OPHN1: variants seen among roughly 807,000 people sequenced by gnomAD.
OPHN1 encodes the protein oligophrenin-1.
In OPHN1, 11 loss-of-function variants were observed where a neutral mutation model predicts 60.7. The observed-to-expected ratio is 0.18, with a 90% CI of 0.11 to 0.30. The LOEUF (loss-of-function observed/expected upper bound fraction) is 0.30. Ranked by LOEUF, OPHN1 falls within the 10% of genes least tolerant of loss-of-function variation. The probability of loss-of-function intolerance (pLI) is 1.00; values close to 1 mark genes in which losing one functional copy is unlikely to be tolerated. For missense variants in OPHN1, 449 were observed against 611.0 expected (o/e 0.73, Z 2.80); for synonymous variants, 226 against 222.6 (o/e 1.02, Z -0.14).
chrX:68,309,797 G>T (rs2078164237), intron 2 of OPHN1, among the ~76,000 whole-genome samples: 1 of 111,699 alleles, frequency 9.0e-6, no homozygotes, highest in Non-Finnish European at 1.9e-5. Flanking sequence ...TCTACTTCTT[G>T]TTGATGGGTT....
At chrX:68,341,968 G>GTT (rs1173542561) in intron 2 of OPHN1, among the ~76,000 whole-genome samples, 113 of 84,940 alleles carry the variant, frequency 1.3e-3, no homozygotes, top group Middle Eastern at 6.1e-3. Context: ...AATTTTTGGT[G>GTT]TTTTTTTTTT....
chrX:68,271,378 A>C (rs1467917184), intron 5 of OPHN1, among the ~76,000 whole-genome samples: 1 of 108,368 alleles, frequency 9.2e-6, no homozygotes, highest in African/African-American at 3.4e-5. Context: ...TTACAAAAAA[A>C]AAAAAAAAAT....
rs753168694 is a variant in OPHN1, at chrX:68,046,963, T to A, written c.*209A>T. 1 of 111,715 alleles carries A rather than the reference T, an allele frequency of 9.0e-6. No individual in the cohort carries two copies. Among genetic ancestry groups the A allele is most frequent in the East Asian group, 2.8e-4 (1 of 3,519 alleles). 9.2% of individuals were successfully genotyped at this position (111,715 alleles called of 1,213,427 possible). On this transcript the variant is annotated 3_prime_UTR_variant, in exon 25 of 25. Transcript: ENST00000355520. Reference sequence around the variant, plus strand: ...ACTCAAAACAGACCTTCTGAGGGGATGAAGACAGAATACAAAGGAGATATA... The same window carrying A: ...ACTCAAAACAGACCTTCTGAGGGGAAGAAGACAGAATACAAAGGAGATATA...
At chrX:68,305,071 ATAAT>A (rs2078138847) in intron 2 of OPHN1, among the ~76,000 whole-genome samples, 3 of 110,946 alleles carry the variant, frequency 2.7e-5, no homozygotes, top group Admixed American at 9.7e-5. Flanking sequence ...AAAAATAATA[ATAAT>A]TAATTAAATA....
chrX:68,065,043 A>C (rs2076908165), intron 20 of OPHN1, among the ~76,000 whole-genome samples: 1 of 111,009 alleles, frequency 9.0e-6, no homozygotes, highest in Non-Finnish European at 1.9e-5. Context: ...CCTAATGTAA[A>C]TGATGAGTTA....
intron 19 of OPHN1, among the ~76,000 whole-genome samples, chrX:68,088,810 G>A (rs935952632): frequency 3.6e-5 from 4 of 110,748 alleles, no homozygotes; most frequent in African/African-American, 1.3e-4. Flanking sequence ...ACAAGGCTCA[G>A]GGGGGTAAAC....
chrX:68,091,671 T>C (rs947667654), intron 19 of OPHN1, among the ~76,000 whole-genome samples: 1 of 111,473 alleles, frequency 9.0e-6, no homozygotes. Context: ...AATAGCTCTG[T>C]CCTCAAAACT....
chrX:68,328,688 C>T (rs1448008123), intron 2 of OPHN1, among the ~76,000 whole-genome samples: 1 of 111,421 alleles, frequency 9.0e-6, no homozygotes, highest in Admixed American at 9.6e-5. Context: ...AAAATACTAA[C>T]TTCTAAAATA....
chrX:68,234,659 G>C (rs1358969521), intron 5 of OPHN1, 71 bp from the exon 6 acceptor site: 7 of 828,237 alleles, frequency 8.5e-6, no homozygotes, highest in Non-Finnish European at 1.3e-5. Context: ...AAAGGAGAAT[G>C]AAGGAGATAG....
chrX:68,222,645 G>C (rs1008419327), intron 6 of OPHN1, among the ~76,000 whole-genome samples: 1 of 107,140 alleles, frequency 9.3e-6, no homozygotes, highest in Non-Finnish European at 1.9e-5. Context: ...GGATGAAATT[G>C]GAAATCATCA....
intron 15 of OPHN1, among the ~76,000 whole-genome samples, chrX:68,162,812 A>G (rs1413111324): frequency 9.0e-6 from 1 of 111,135 alleles, no homozygotes; most frequent in Admixed American, 9.6e-5. Context: ...TAAGTCATAA[A>G]CTATTATTTT....
chrX:68,356,817 A>T (rs2078443383), intron 2 of OPHN1, among the ~76,000 whole-genome samples: 1 of 111,432 alleles, frequency 9.0e-6, no homozygotes, highest in African/African-American at 3.3e-5. Context: ...GAGATTTTTT[A>T]AAACAGTCTC....
intron 2 of OPHN1, among the ~76,000 whole-genome samples, chrX:68,345,412 A>G (rs778863188): frequency 8.9e-6 from 1 of 112,630 alleles, no homozygotes; most frequent in Non-Finnish European, 1.9e-5. Context: ...ATTACTCAAA[A>G]TACCAAAACA....
intron 2 of OPHN1, among the ~76,000 whole-genome samples, chrX:68,352,452 C>T (rs1005157764): frequency 1.6e-4 from 18 of 109,969 alleles, no homozygotes; most frequent in African/African-American, 5.9e-4. Flanking sequence ...TCCCAAAGCC[C>T]AATGATTTGC....
intron 2 of OPHN1, among the ~76,000 whole-genome samples, chrX:68,410,116 T>G (rs891890796): frequency 1.8e-5 from 2 of 111,829 alleles, no homozygotes; most frequent in South Asian, 7.5e-4. Flanking sequence ...AAATTATTTA[T>G]CAAGTTATTC....
Position 68,289,268 on chromosome X carries a change from A to G in OPHN1, c.251-6151T>C, listed in dbSNP as rs960090989. 2.7e-5 allele frequency among the ~76,000 whole-genome samples: 3 copies of G among 112,098 alleles called. No individual in the cohort carries two copies. The Admixed American group carries it at 2.8e-4, about 11-fold the overall frequency. ...CCAAGAATTTTCTTTTTAAAAAAAG[A>G]CCACAGCAAGAGAACATTATCCTTG... On this transcript the variant is annotated intron_variant, in intron 3 of 24. Transcript: ENST00000355520.
intron 2 of OPHN1, among the ~76,000 whole-genome samples, chrX:68,317,442 A>G (rs1167005722): frequency 1.0e-5 from 1 of 98,516 alleles, no homozygotes. Flanking sequence ...GGAAAAGAAA[A>G]GAAAAAGAGA....
intron 2 of OPHN1, among the ~76,000 whole-genome samples, chrX:68,374,229 G>T (rs925348018): frequency 9.2e-6 from 1 of 109,047 alleles, no homozygotes; most frequent in African/African-American, 3.3e-5. Flanking sequence ...GGTGCCGCAC[G>T]CATGTAGTCC....
chrX:68,166,449 G>A (rs750477330), intron 15 of OPHN1, among the ~76,000 whole-genome samples: 10 of 111,385 alleles, frequency 9.0e-5, no homozygotes, highest in Middle Eastern at 4.7e-3. Context: ...CAGAAGAATC[G>A]CTTGAACCTG....
Sources: allele counts gnomAD v4.1 joint callset (sites outside exome capture counted in the v4.1 genomes callset), GRCh38; gene constraint gnomAD v4.1.1; transcripts MANE v1.5; gene names NCBI Gene and HGNC (gene_info 2026-07-23, HGNC 2026-07-21).